INHBC: variants seen among roughly 807,000 people sequenced by gnomAD.
INHBC encodes the protein inhibin beta C chain.
Under a neutral mutation model 12.4 loss-of-function variants are expected in INHBC, and 10 were observed. The ratio of observed to expected loss-of-function variants is 0.81; its 90% CI spans 0.50 to 1.37. The LOEUF (loss-of-function observed/expected upper bound fraction) is 1.37. Ranked by LOEUF, INHBC falls within the 40% of genes most tolerant of loss-of-function variation. The probability of loss-of-function intolerance (pLI) is 0.00; values close to 1 mark genes in which losing one functional copy is unlikely to be tolerated. For missense variants in INHBC, 382 were observed against 439.4 expected (o/e 0.87, Z 1.17); for synonymous variants, 147 against 171.6 (o/e 0.86, Z 1.12).
Position 57,450,024 on chromosome 12 carries a change from C to G in INHBC, c.*2C>G, listed in dbSNP as rs759155573. On this transcript the variant is annotated 3_prime_UTR_variant, in exon 2 of 2. Coordinates refer to ENST00000309668, the MANE Select transcript of INHBC (RefSeq NM_005538.4). ...GTAGAGGCCTGTGGGTGCAGTTAGTCTATGTGTGGTATGGGCAGCCCAAGG... is the reference window on the plus strand; with the variant it reads ...GTAGAGGCCTGTGGGTGCAGTTAGTGTATGTGTGGTATGGGCAGCCCAAGG... 1 of 1,510,260 alleles carries G rather than the reference C, an allele frequency of 6.6e-7. No homozygotes were observed. The highest frequency in any genetic ancestry group is 8.8e-7 in the Non-Finnish European group (1 of 1,131,602). The allele number at this position is 1,510,260 out of a possible 1,614,324, so 93.6% of individuals were successfully genotyped here.
chr12:57,439,194 T>C (rs1446742870), intron 1 of INHBC, among the ~76,000 whole-genome samples: 1 of 152,196 alleles, frequency 6.6e-6, no homozygotes, highest in Non-Finnish European at 1.5e-5. Flanking sequence ...GCACTTAACA[T>C]ACAATGCTGA....
Position 57,449,874 on chromosome 12 carries a change from C to A in INHBC, c.911C>A (p.Ala304Asp), listed in dbSNP as rs765918749. The A allele has an allele frequency of 1.9e-6, 3 of 1,612,378 alleles. No individual in the cohort carries two copies. The highest frequency in any genetic ancestry group is 1.7e-6 in the Non-Finnish European group (2 of 1,179,004). ...FHTAVLNLLKANTAAGTTGGG... is the reference protein window; with the variant it reads ...FHTAVLNLLKDNTAAGTTGGG... ...ACTGCAGTGCTCAATCTTCTCAAGG[C>A]CAACACAGCTGCAGGCACCACTGGA... is the stretch of plus-strand genomic sequence containing the variant. The change falls in exon 2 of 2, where the codon GCC becomes GAC. Residue 304 changes from alanine to aspartate, a missense_variant. Ala to Asp is a moderately radical substitution (Grantham distance 126). Transcript: ENST00000309668.
At chr12:57,441,525 CA>C (rs574320537) in intron 1 of INHBC, among the ~76,000 whole-genome samples, 2,359 of 55,088 alleles carry the variant, frequency 0.043, 38 homozygotes, top group East Asian at 0.13. Context: ...AACTCCGTCT[CA>C]AAAAAAAAAA....
chr12:57,441,950 G>C (rs1300070527), intron 1 of INHBC, among the ~76,000 whole-genome samples: 1 of 152,004 alleles, frequency 6.6e-6, no homozygotes, highest in Non-Finnish European at 1.5e-5. Flanking sequence ...CAAAGTGCTG[G>C]GATTACAAGC....
rs1401441372 is a variant in INHBC at position 57,452,014 on chromosome 12, C to T, written c.*1992C>T. ...AAAGTCAAAATTAATGCAAAAAATC[C>T]ATGATGAACAAAATAGCCTACTTTT... On this transcript the variant is annotated 3_prime_UTR_variant, in exon 2 of 2. Coordinates refer to ENST00000309668, the MANE Select transcript of INHBC (RefSeq NM_005538.4). Among the ~76,000 whole-genome samples, 1 of 152,132 alleles carries T rather than the reference C, an allele frequency of 6.6e-6. No homozygotes were observed. The highest frequency in any genetic ancestry group is 1.5e-5 in the Non-Finnish European group (1 of 68,030).
chr12:57,435,205 T>A lies in INHBC; in HGVS notation c.313+6T>A. The A allele has an allele frequency of 6.2e-7, 1 of 1,602,070 alleles. No homozygotes were observed. ...CATCAGCTTTGCTGAGACAGGTGGG[T>A]TCCTGATCTGTAGCTCTTCCCCAGA... On this transcript the variant is annotated splice_donor_region_variant and intron_variant, in intron 1 of 1. Coordinates refer to ENST00000309668, the MANE Select transcript of INHBC (RefSeq NM_005538.4).
intron 1 of INHBC, among the ~76,000 whole-genome samples, chr12:57,440,265 A>G (rs1870434935): frequency 6.7e-6 from 1 of 148,604 alleles, no homozygotes; most frequent in African/African-American, 2.5e-5. Context: ...AAGCGGTTCT[A>G]TTTTTTAATT....
In INHBC at chr12:57,451,956, A is replaced by C. The variant is rs892965772; in HGVS notation, c.*1934A>C. 4.6e-5 allele frequency: 19 copies of C among 415,312 alleles called. No individual in the cohort carries two copies. The highest frequency in any genetic ancestry group is 8.1e-5 in the Non-Finnish European group (17 of 209,450). 25.7% of individuals were successfully genotyped at this position (415,312 alleles called of 1,614,324 possible). On this transcript the variant is annotated 3_prime_UTR_variant, in exon 2 of 2. Coordinates refer to ENST00000309668, the MANE Select transcript of INHBC (RefSeq NM_005538.4). ...TTAAGGGGGTGGTGAACAATTTATT[A>C]ATCAAGATAGGACTTTAATGCAATA... is the stretch of plus-strand genomic sequence containing the variant.
At chr12:57,443,362 G>A (rs1190765727) in intron 1 of INHBC, among the ~76,000 whole-genome samples, 6 of 151,624 alleles carry the variant, frequency 4.0e-5, no homozygotes, top group Admixed American at 3.3e-4. Flanking sequence ...TCAGCTCACC[G>A]CAACCTCCGA....
rs771981139 is a variant in INHBC, at chr12:57,434,955, C to T, written c.69C>T (p.Gly23=). The change falls in exon 1 of 2, where the codon GGC becomes GGT. Residue 23 remains glycine, a synonymous_variant. Transcript: ENST00000309668. ...APTTVATPRA[G]GQCPACGGPT... is the part of the protein sequence containing the mutation. Reference sequence around the variant, plus strand: ...CCACAGTGGCCACTCCCAGAGCTGGCGGTCAGTGTCCAGCATGTGGGGGGC... The same window carrying T: ...CCACAGTGGCCACTCCCAGAGCTGGTGGTCAGTGTCCAGCATGTGGGGGGC... 14 of 1,614,054 alleles carry T rather than the reference C, an allele frequency of 8.7e-6. No individual in the cohort carries two copies. Among genetic ancestry groups the T allele is most frequent in the African/African-American group, 2.7e-5 (2 of 74,934 alleles).
intron 1 of INHBC, among the ~76,000 whole-genome samples, chr12:57,443,347 T>A (rs1870509172): frequency 6.6e-6 from 1 of 151,814 alleles, no homozygotes. Flanking sequence ...TGCAATGGCA[T>A]GATCTCAGCT....
At chr12:57,444,474 G>A (rs1326958208) in intron 1 of INHBC, among the ~76,000 whole-genome samples, 12 of 151,418 alleles carry the variant, frequency 7.9e-5, no homozygotes, top group African/African-American at 2.9e-4. Flanking sequence ...CGGGTAGGTG[G>A]AGGTTGCAGT....
At chr12:57,435,272 T>A in intron 1 of INHBC, 73 bp downstream of exon 1, 2 of 1,370,442 alleles carry the variant, frequency 1.5e-6, no homozygotes, top group South Asian at 1.4e-5. Flanking sequence ...TCGCCAGACT[T>A]ACCTCTGACT....
chr12:57,451,145 C>A lies in INHBC; in HGVS notation c.*1123C>A, dbSNP rs577208424. Among the ~76,000 whole-genome samples the A allele has an allele frequency of 2.4e-4, 36 of 152,302 alleles. No homozygotes were observed. Among genetic ancestry groups the A allele is most frequent in the Admixed American group, 1.2e-3 (19 of 15,294 alleles). On this transcript the variant is annotated 3_prime_UTR_variant, in exon 2 of 2. Transcript: ENST00000309668. ...TATGCCTCTTCTTTCTTAGGCACCC[C>A]GTCCCTCCATCCTTCCAGAACCATC...
intron 1 of INHBC, among the ~76,000 whole-genome samples, chr12:57,445,521 TAAGC>T (rs1314688133): frequency 4.6e-5 from 7 of 152,178 alleles, no homozygotes; most frequent in Admixed American, 6.5e-5. Flanking sequence ...GATTTTGCCT[TAAGC>T]AATGCGTTTA....
chr12:57,451,456 G>A lies in INHBC; in HGVS notation c.*1434G>A, dbSNP rs772582595. Among the ~76,000 whole-genome samples, 1 of 152,292 alleles carries A rather than the reference G, an allele frequency of 6.6e-6. No homozygotes were observed. Among genetic ancestry groups the A allele is most frequent in the Non-Finnish European group, 1.5e-5 (1 of 68,036 alleles). On this transcript the variant is annotated 3_prime_UTR_variant, in exon 2 of 2. Transcript: ENST00000309668. Reference sequence around the variant, plus strand: ...AGGAAGGCCTGGATGAGGAGAGGGTGGCATTTGCTCTGAGACTGGGTCCTT... The same window carrying A: ...AGGAAGGCCTGGATGAGGAGAGGGTAGCATTTGCTCTGAGACTGGGTCCTT...
intron 1 of INHBC, among the ~76,000 whole-genome samples, chr12:57,445,527 A>G (rs567429392): frequency 6.6e-6 from 1 of 152,266 alleles, no homozygotes; most frequent in Admixed American, 6.5e-5. Context: ...GCCTTAAGCA[A>G]TGCGTTTATG....
intron 1 of INHBC, among the ~76,000 whole-genome samples, chr12:57,447,731 A>C (rs1450173476): frequency 6.7e-6 from 1 of 148,600 alleles, no homozygotes; most frequent in Non-Finnish European, 1.5e-5. Flanking sequence ...CTAAAAATAC[A>C]AAATTAGCTG....
intron 1 of INHBC, among the ~76,000 whole-genome samples, chr12:57,444,512 G>A (rs191820122): frequency 2.0e-5 from 3 of 148,996 alleles, no homozygotes; most frequent in Admixed American, 2.0e-4. Context: ...CTGCAATCTA[G>A]CCTGGGTGAC....
Sources: gnomAD v4.1 joint callset for allele counts (sites outside exome capture counted in the v4.1 genomes callset) on GRCh38, gnomAD v4.1.1 for gene constraint, MANE v1.5 for transcripts, NCBI Gene and HGNC (gene_info 2026-07-23, HGNC 2026-07-21) for gene names.